HERC4: variants seen among roughly 807,000 people sequenced by gnomAD.
The protein encoded by HERC4 is probable E3 ubiquitin-protein ligase HERC4.
Under a neutral mutation model 124.3 loss-of-function variants are expected in HERC4, and 28 were observed. The observed-to-expected ratio is 0.23, with a 90% CI of 0.17 to 0.31. The LOEUF is 0.31. Among genes scored for constraint, HERC4 ranks in the 10% least tolerant of loss-of-function variants. The pLI, the probability that HERC4 is intolerant of heterozygous loss-of-function variation, is 1.00. For missense variants in HERC4, 713 were observed against 1,229.3 expected (o/e 0.58, Z 6.28); for synonymous variants, 407 against 421.5 (o/e 0.97, Z 0.42).
rs2039273965 is a variant in HERC4, at chr10:68,032,757, GA to G, written c.777+20del. 2.4e-5 allele frequency: 29 copies of G among 1,200,550 alleles called. No homozygotes were observed. Among genetic ancestry groups the G allele is most frequent in the Non-Finnish European group, 3.5e-5 (28 of 808,706 alleles). 74.4% of individuals were successfully genotyped at this position (1,200,550 alleles called of 1,614,324 possible). ...AAGAACTATGATGAGTAATAATAAA[GA>G]AGTTTTAGAAGTACAATACCTTGGT... is the stretch of plus-strand genomic sequence containing the variant. On this transcript the variant is annotated intron_variant, in intron 7 of 24. Transcript: ENST00000373700.
chr10:67,941,212 TAATA>T (rs1213889521), intron 19 of HERC4, 107 bp from the exon 20 acceptor site: 1 of 739,762 alleles, frequency 1.4e-6, no homozygotes, highest in Admixed American at 3.7e-5. Context: ...GAGAAAAAAG[TAATA>T]AATAACAAAA....
intron 19 of HERC4, among the ~76,000 whole-genome samples, chr10:67,946,838 T>C (rs150852581): frequency 2.3e-3 from 343 of 151,946 alleles, no homozygotes; most frequent in African/African-American, 7.7e-3. Context: ...ACCTGGGAGG[T>C]AGATGTTGCA....
chr10:68,016,601 C>T (rs904986510), intron 8 of HERC4, among the ~76,000 whole-genome samples: 5 of 152,048 alleles, frequency 3.3e-5, no homozygotes, highest in African/African-American at 4.8e-5. Flanking sequence ...TCTGCCCGCC[C>T]TGGCCTCCCA....
intron 7 of HERC4, among the ~76,000 whole-genome samples, chr10:68,026,309 T>C (rs1315970994): frequency 6.6e-6 from 1 of 152,086 alleles, no homozygotes; most frequent in East Asian, 1.9e-4. Context: ...TTGCCCAGGC[T>C]GGTCTCGAAC....
chr10:68,055,618 A>T (rs537040417), intron 3 of HERC4, among the ~76,000 whole-genome samples: 23 of 152,338 alleles, frequency 1.5e-4, no homozygotes, highest in Middle Eastern at 3.4e-3. Flanking sequence ...CTTCACAGAT[A>T]AAGGCACTAA....
At chr10:68,014,703 CG>C (rs2038157211) in intron 8 of HERC4, among the ~76,000 whole-genome samples, 1 of 152,122 alleles carries the variant, frequency 6.6e-6, no homozygotes, top group South Asian at 2.1e-4. Flanking sequence ...TCTATATGTA[CG>C]CACCAAAACT....
At chr10:68,063,518 T>C (rs1313607948) in intron 3 of HERC4, among the ~76,000 whole-genome samples, 1 of 151,990 alleles carries the variant, frequency 6.6e-6, no homozygotes, top group East Asian at 1.9e-4. Flanking sequence ...TTGTCATACA[T>C]TTTAAAAACT....
intron 8 of HERC4, among the ~76,000 whole-genome samples, chr10:68,024,920 G>A (rs562992456): frequency 6.6e-6 from 1 of 152,246 alleles, no homozygotes; most frequent in South Asian, 2.1e-4. Context: ...CTCAGAATAA[G>A]GAGAATTAGG....
At chr10:67,999,911 A>G (rs1320656002) in intron 9 of HERC4, among the ~76,000 whole-genome samples, 2 of 152,216 alleles carry the variant, frequency 1.3e-5, no homozygotes, top group African/African-American at 4.8e-5. Flanking sequence ...TTCAATAAGA[A>G]TATGTCCCCT....
chr10:68,058,398 G>A (rs2040661859), intron 3 of HERC4, among the ~76,000 whole-genome samples: 2 of 152,076 alleles, frequency 1.3e-5, no homozygotes, highest in South Asian at 4.1e-4. Context: ...ATATCTGGAG[G>A]TAATTATGAA....
At chr10:68,029,590 T>G (rs1177553853) in intron 7 of HERC4, among the ~76,000 whole-genome samples, 1 of 151,776 alleles carries the variant, frequency 6.6e-6, no homozygotes, top group Non-Finnish European at 1.5e-5. Context: ...ATGCTGTATT[T>G]TAAAATCACC....
chr10:67,946,290 A>G (rs917149135), intron 19 of HERC4, among the ~76,000 whole-genome samples: 3 of 151,034 alleles, frequency 2.0e-5, no homozygotes, highest in African/African-American at 7.3e-5. Context: ...ATCAATCAAT[A>G]TAAATGGACT....
intron 8 of HERC4, among the ~76,000 whole-genome samples, chr10:68,022,275 G>T (rs929705061): frequency 1.3e-5 from 2 of 151,948 alleles, no homozygotes; most frequent in Non-Finnish European, 2.9e-5. Flanking sequence ...CGAGGTGGGC[G>T]GATCAACTGA....
At chr10:68,033,331 A>G (rs1439631891) in intron 6 of HERC4, among the ~76,000 whole-genome samples, 2 of 152,218 alleles carry the variant, frequency 1.3e-5, no homozygotes, top group African/African-American at 4.8e-5. Flanking sequence ...TCTTTCTGAA[A>G]GTATTGTTTG....
intron 22 of HERC4, among the ~76,000 whole-genome samples, chr10:67,935,447 T>C (rs749944966): frequency 2.0e-5 from 3 of 152,078 alleles, no homozygotes; most frequent in African/African-American, 4.8e-5. Context: ...GCGGGGCCTA[T>C]GGATTTACAT....
chr10:68,069,505 A>G (rs1350667075), intron 3 of HERC4: 1 of 985,344 alleles, frequency 1.0e-6, no homozygotes, highest in Non-Finnish European at 1.2e-6. Context: ...TGGTCCCTAA[A>G]AAGTCCAGAA....
At chr10:68,045,513 A>G (rs2039975685) in intron 3 of HERC4, among the ~76,000 whole-genome samples, 1 of 152,236 alleles carries the variant, frequency 6.6e-6, no homozygotes, top group Non-Finnish European at 1.5e-5. Flanking sequence ...AGATACATGT[A>G]GTTAAAATAT....
intron 21 of HERC4, among the ~76,000 whole-genome samples, chr10:67,936,801 C>T (rs185525970): frequency 6.6e-6 from 1 of 152,178 alleles, no homozygotes; most frequent in Admixed American, 6.5e-5. Flanking sequence ...TTTGCTACTC[C>T]TTCTTTTTGG....
rs1299773571 is a variant in HERC4, at chr10:67,925,159, G to A, written c.2867C>T (p.Ala956Val). 6.2e-7 allele frequency: 1 copy of A among 1,600,150 alleles called. No individual in the cohort carries two copies. Among genetic ancestry groups the A allele is most frequent in the Non-Finnish European group, 8.6e-7 (1 of 1,167,866 alleles). Residue 956 changes from alanine (A) to valine (V), a missense_variant, in exon 24 of 25, where the codon GCA becomes GTA. Ala to Val is a moderately conservative substitution (Grantham distance 64). Transcript: ENST00000373700. ...KNTEYKGEYWAEHPTIKIFWE... is the reference protein window; with the variant it reads ...KNTEYKGEYWVEHPTIKIFWE... ...AAAAATTTTTATCGTAGGATGTTCT[G>A]CCCAATATTCCCCTTTGTATTCTGT...
Sources: gnomAD v4.1 joint callset for allele counts (sites outside exome capture counted in the v4.1 genomes callset) on GRCh38, gnomAD v4.1.1 for gene constraint, MANE v1.5 for transcripts, NCBI Gene and HGNC (gene_info 2026-07-23, HGNC 2026-07-21) for gene names.